Variants in ESS2 observed in about 807,000 individuals in gnomAD.
ESS2 encodes the protein splicing factor ESS-2 homolog.
ESS2 carries 31 observed loss-of-function variants against 52.0 expected under a neutral mutation model. The observed-to-expected ratio is 0.60, with a 90% confidence interval of 0.45 to 0.81. The LOEUF (loss-of-function observed/expected upper bound fraction) is 0.81. Among genes scored for constraint, ESS2 ranks in the 30% least tolerant of loss-of-function variants. The probability of loss-of-function intolerance (pLI) is 0.00; values close to 1 mark genes in which losing one functional copy is unlikely to be tolerated. For missense variants in ESS2, 602 were observed against 637.2 expected (o/e 0.94, Z 0.59); for synonymous variants, 285 against 259.2 (o/e 1.10, Z -0.95).
At position 19,137,689 on chromosome 22, in the gene ESS2, C is replaced by A. The variant is rs114800053; in HGVS notation, c.926-257G>T. On this transcript the variant is annotated intron_variant, in intron 7 of 9. Transcript: ENST00000252137. ...CTACAAGCCTCTGGGAGGTCTCCCC[C>A]AGCCACGCAGGAGGAGACACTCAGG... The A allele has an allele frequency of 5.9e-4, 571 of 973,782 alleles. 4 individuals carry two copies. In the African/African-American group the frequency reaches 9.4e-3, roughly 16 times the overall value. The allele number at this position is 973,782 out of a possible 1,614,324, so 60.3% of individuals were successfully genotyped here.
intron 1 of ESS2, chr22:19,144,230 A>G (rs1471978610): frequency 1.3e-5 from 16 of 1,212,228 alleles, no homozygotes; most frequent in African/African-American, 1.6e-5. Context: ...CCAGTTTGTC[A>G]AACTCCTACT....
intron 6 of ESS2, 25 bp from the exon 7 acceptor site, chr22:19,138,342 T>A: frequency 6.2e-7 from 1 of 1,608,938 alleles, no homozygotes; most frequent in Non-Finnish European, 8.5e-7. Context: ...GAGGCTGGCA[T>A]CAGGGGGACC....
At position 19,134,603 on chromosome 22, in the gene ESS2, A is replaced by T. The variant is rs1196056737; in HGVS notation, c.1152-128T>A. On this transcript the variant is annotated intron_variant, in intron 9 of 9. Coordinates refer to ENST00000252137, the MANE Select transcript of ESS2 (RefSeq NM_022719.3). ...GTCACTCTGAGCTGAGGAGGATGGTACTGCCAGCATGGCAGCAAATGCGGG... is the reference window on the plus strand; with the variant it reads ...GTCACTCTGAGCTGAGGAGGATGGTTCTGCCAGCATGGCAGCAAATGCGGG... 1.2e-5 allele frequency: 13 copies of T among 1,046,398 alleles called. No individual in the cohort carries two copies. In the Admixed American group the frequency reaches 1.4e-4, roughly 11 times the overall value. 64.8% of individuals were successfully genotyped at this position (1,046,398 alleles called of 1,614,324 possible). A position where few individuals can be genotyped will look rare whatever the true frequency, so the allele number is the denominator to read the frequency against.
Position 19,139,969 on chromosome 22 carries a change from C to T in ESS2, c.456G>A (p.Leu152=). 6.2e-7 allele frequency: 1 copy of T among 1,614,130 alleles called. No homozygotes were observed. Among genetic ancestry groups the T allele is most frequent in the Non-Finnish European group, 8.5e-7 (1 of 1,180,036 alleles). The part of the protein sequence containing the change: ...KEPLPSLDVF[L]SRYTSEDNAS... ...CATTGTCCTCACTCGTGTAGCGGCT[C>T]AGGAAGACATCTAGGCTGGGCAGCG... Residue 152 remains leucine, a synonymous_variant, in exon 4 of 10, where the codon CTG becomes CTA. Coordinates refer to ENST00000252137, the MANE Select transcript of ESS2 (RefSeq NM_022719.3).
At position 19,130,453 on chromosome 22, in the gene ESS2, GAGA is replaced by G. The variant is rs975076872; in HGVS notation, c.*3740_*3742del. On this transcript the variant is annotated 3_prime_UTR_variant, in exon 10 of 10. Coordinates refer to ENST00000252137, the MANE Select transcript of ESS2 (RefSeq NM_022719.3). ...TACTGGTAACTAATTTTGTTCCAAG[GAGA>G]AGGTCAGAGGCAAAAAAAATGCTTG... The G allele has an allele frequency of 1.8e-5, 5 of 273,656 alleles. No individual in the cohort carries two copies. The highest frequency in any genetic ancestry group is 6.8e-5 in the African/African-American group (3 of 43,900). 17.0% of individuals were successfully genotyped at this position (273,656 alleles called of 1,614,324 possible).
At position 19,139,595 on chromosome 22, in the gene ESS2, C is replaced by A. The variant is rs371527187; in HGVS notation, c.688+17G>T. On this transcript the variant is annotated intron_variant, in intron 5 of 9. Transcript: ENST00000252137. The stretch of plus-strand genomic sequence containing the variant: ...TACCCAACACCTCCCCATTTGGCTG[C>A]GAGGCCCGCCACTTACCCTCTGGAT... The A allele has an allele frequency of 1.2e-6, 2 of 1,608,526 alleles. No individual in the cohort carries two copies. Among genetic ancestry groups the A allele is most frequent in the African/African-American group, 2.7e-5 (2 of 74,924 alleles).
In ESS2 at chr22:19,136,031, T is replaced by TTAAAA. The variant is rs1555914465; in HGVS notation, c.1036-857_1036-856insTTTTA. 9.7e-5 allele frequency among the ~76,000 whole-genome samples: 9 copies of TTAAAA among 92,536 alleles called. No homozygotes were observed. The South Asian group carries it at 1.3e-3, about 14-fold the overall frequency. 60.7% of individuals were successfully genotyped at this position (92,536 alleles called of 152,430 possible). A position where few individuals can be genotyped will look rare whatever the true frequency, so the allele number is the denominator to read the frequency against. Reference sequence around the variant, plus strand: ...GGCAACAGAGTGAAACCCTATCTGTTAAAAAAAAAAAAAAAAAAAAAAAAG... The same window carrying TTAAAA: ...GGCAACAGAGTGAAACCCTATCTGTTTAAAAAAAAAAAAAAAAAAAAAAAAAAAAG... On this transcript the variant is annotated intron_variant, in intron 8 of 9. Coordinates refer to ENST00000252137, the MANE Select transcript of ESS2 (RefSeq NM_022719.3).
Position 19,134,114 on chromosome 22 carries a change from G to T in ESS2, c.*82C>A. The T allele has an allele frequency of 7.2e-7, 1 of 1,391,094 alleles. No homozygotes were observed. Among genetic ancestry groups the T allele is most frequent in the South Asian group, 1.8e-5 (1 of 55,706 alleles). 86.2% of individuals were successfully genotyped at this position (1,391,094 alleles called of 1,614,324 possible). A position where few individuals can be genotyped will look rare whatever the true frequency, so the allele number is the denominator to read the frequency against. On this transcript the variant is annotated 3_prime_UTR_variant, in exon 10 of 10. Coordinates refer to ENST00000252137, the MANE Select transcript of ESS2 (RefSeq NM_022719.3). ...AGCTTCTGGCCCAGGCCTGGGCCCC[G>T]AGAAGGCTGGAGTCCTCTGCTGGGT... is the stretch of plus-strand genomic sequence containing the variant.
At chr22:19,142,245 A>G (rs2083699709) in intron 3 of ESS2, among the ~76,000 whole-genome samples, 1 of 152,208 alleles carries the variant, frequency 6.6e-6, no homozygotes, top group African/African-American at 2.4e-5. Flanking sequence ...ATAGTAACAA[A>G]AGGGGCCTTC....
Position 19,135,125 on chromosome 22 carries a change from CT to C in ESS2, c.1085del (p.Glu362GlyfsTer17). ...RERLGLKMANEAAAKNRAKKQ... is the reference protein window; with the variant it reads ...RERLGLKMANXAAAKNRAKKQ... ...TCTTGGCCCGGTTCTTGGCAGCGGC[CT>C]CGTTGGCCATCTTCAGACCCAGCCG... is the stretch of plus-strand genomic sequence containing the variant. On this transcript the variant is annotated frameshift_variant, in exon 9 of 10. Coordinates refer to ENST00000252137, the MANE Select transcript of ESS2 (RefSeq NM_022719.3). LOFTEE classifies it high-confidence loss of function. The C allele has an allele frequency of 6.2e-7, 1 of 1,614,104 alleles. No individual in the cohort carries two copies. Among genetic ancestry groups the C allele is most frequent in the Non-Finnish European group, 8.5e-7 (1 of 1,179,962 alleles).
At position 19,137,338 on chromosome 22, in the gene ESS2, G is replaced by A. The variant is rs149983459; in HGVS notation, c.1020C>T (p.Pro340=). The A allele has an allele frequency of 5.0e-6, 8 of 1,612,850 alleles. No individual in the cohort carries two copies. The African/African-American group carries it at 6.7e-5, about 13-fold the overall frequency. The change falls in exon 8 of 10, where the codon CCC becomes CCT. Residue 340 remains proline (P), a synonymous_variant. Transcript: ENST00000252137. The stretch of plus-strand genomic sequence containing the variant: ...CACAACCCACCTTAAAAGCTGGGCC[G>A]GGTGTCCTGTCCACGTAGGGCGTTT... The part of the protein sequence containing the change: ...GSETPYVDRT[P]GPAFKILEPG...
rs2083648426 is a variant in ESS2, at chr22:19,139,659, T to C, written c.641A>G (p.Glu214Gly). ...ATTCTTGGCCTTGTACTTCCAGGTC[T>C]CCACACTGGCCTGGCTGCTCTCGAT... Reference protein sequence around the residue: ...QAIESSQASVETWKYKAKNSL... With the variant: ...QAIESSQASVGTWKYKAKNSL... The change falls in exon 5 of 10, where the codon GAG (glutamate) becomes GGG (glycine). Residue 214 changes from glutamate (E) to glycine (G), a missense_variant. Transcript: ENST00000252137. The C allele has an allele frequency of 6.2e-7, 1 of 1,614,144 alleles. No individual in the cohort carries two copies. The highest frequency in any genetic ancestry group is 8.5e-7 in the Non-Finnish European group (1 of 1,180,010).
Position 19,130,693 on chromosome 22 carries a change from C to G in ESS2, c.*3503G>C. On this transcript the variant is annotated 3_prime_UTR_variant, in exon 10 of 10. Coordinates refer to ENST00000252137, the MANE Select transcript of ESS2 (RefSeq NM_022719.3). ...CTGGCACTAGGAATGTAAAACCGTTCCTATTATTTTGGCTTGCTCCAGCAA... is the reference window on the plus strand; with the variant it reads ...CTGGCACTAGGAATGTAAAACCGTTGCTATTATTTTGGCTTGCTCCAGCAA... 1 of 209,204 alleles carries G rather than the reference C, an allele frequency of 4.8e-6. No homozygotes were observed. The highest frequency in any genetic ancestry group is 9.7e-6 in the Non-Finnish European group (1 of 102,934). The allele number at this position is 209,204 out of a possible 1,614,324, so 13.0% of individuals were successfully genotyped here. A position where few individuals can be genotyped will look rare whatever the true frequency, so the allele number is the denominator to read the frequency against.
Position 19,132,601 on chromosome 22 carries a change from A to T in ESS2, c.*1595T>A. On this transcript the variant is annotated 3_prime_UTR_variant, in exon 10 of 10. Coordinates refer to ENST00000252137, the MANE Select transcript of ESS2 (RefSeq NM_022719.3). The surrounding 1 kb of genome is among the most constrained non-coding windows in gnomAD (Gnocchi z 4.2). ...GGCACAGGTGCAAGTAAAATTCGTC[A>T]ATTAAACCACTATTTTGATTACGTT... 1 of 938,526 alleles carries T rather than the reference A, an allele frequency of 1.1e-6. No homozygotes were observed. Among genetic ancestry groups the T allele is most frequent in the Non-Finnish European group, 1.6e-6 (1 of 610,058 alleles). The allele number at this position is 938,526 out of a possible 1,614,324, so 58.1% of individuals were successfully genotyped here.
chr22:19,133,543 G>A lies in ESS2; in HGVS notation c.*653C>T, dbSNP rs2083530361. On this transcript the variant is annotated 3_prime_UTR_variant, in exon 10 of 10. Transcript: ENST00000252137. ...CCATGAGCTGGAAGCCAGGTGCTGG[G>A]AGAAGGTGATAGCTGAGATCACCTG... 6.6e-6 allele frequency: 1 copy of A among 152,396 alleles called. No homozygotes were observed. The highest frequency in any genetic ancestry group is 1.5e-5 in the Non-Finnish European group (1 of 68,204). 9.4% of individuals were successfully genotyped at this position (152,396 alleles called of 1,614,324 possible). A position where few individuals can be genotyped will look rare whatever the true frequency, so the allele number is the denominator to read the frequency against.
At position 19,132,344 on chromosome 22, in the gene ESS2, T is replaced by G; in HGVS notation, c.*1852A>C. ...CCGACCACCGGCCCGACCACAAGCT[T>G]GGAGCCAAAACCCAGCACCGGCTGC... On this transcript the variant is annotated 3_prime_UTR_variant, in exon 10 of 10. Coordinates refer to ENST00000252137, the MANE Select transcript of ESS2 (RefSeq NM_022719.3). The surrounding 1 kb of genome is among the most constrained non-coding windows in gnomAD (Gnocchi z 4.2). 1 of 1,612,702 alleles carries G rather than the reference T, an allele frequency of 6.2e-7. No individual in the cohort carries two copies.
rs753377366 is a variant in ESS2 at position 19,138,220 on chromosome 22, G to A, written c.920C>T (p.Ala307Val). ...GFGFVATPSP[A>V]PGVNESPMMT... ...CCAGTGGGCACTTTTCTCACCAGGG[G>A]CAGGGGAAGGAGTGGCAACAAATCC... is the stretch of plus-strand genomic sequence containing the variant. The change falls in exon 7 of 10, where the codon GCC (alanine) becomes GTC (valine). Residue 307 changes from alanine (A) to valine (V), a missense_variant. By Grantham distance (64) the Ala-to-Val change is moderately conservative. Transcript: ENST00000252137. 1 of 1,614,016 alleles carries A rather than the reference G, an allele frequency of 6.2e-7. No individual in the cohort carries two copies. The highest frequency in any genetic ancestry group is 8.5e-7 in the Non-Finnish European group (1 of 1,179,966).
In ESS2 at chr22:19,138,686, G is replaced by T. The variant is rs1601354461; in HGVS notation, c.823-369C>A. Among the ~76,000 whole-genome samples the T allele has an allele frequency of 4.6e-5, 7 of 152,196 alleles. No individual in the cohort carries two copies. In the South Asian group the frequency reaches 1.4e-3, roughly 32 times the overall value. On this transcript the variant is annotated intron_variant, in intron 6 of 9. Coordinates refer to ENST00000252137, the MANE Select transcript of ESS2 (RefSeq NM_022719.3). ...GATGACAGGCAATGCTTATGCTCTAGTCTCTTCCTGCCTTCCCCACTTCAA... is the reference window on the plus strand; with the variant it reads ...GATGACAGGCAATGCTTATGCTCTATTCTCTTCCTGCCTTCCCCACTTCAA...
rs747998154 is a variant in ESS2 at position 19,142,645 on chromosome 22, G to C, written c.305-12C>G. The C allele has an allele frequency of 6.2e-7, 1 of 1,611,770 alleles. No individual in the cohort carries two copies. The highest frequency in any genetic ancestry group is 8.5e-7 in the Non-Finnish European group (1 of 1,178,960). ...GGCTGGAGTCACATCTAGGGGAAGA[G>C]AGGGGGATAAGAATTAGAGTGAGCC... On this transcript the variant is annotated splice_polypyrimidine_tract_variant and intron_variant, in intron 2 of 9. Transcript: ENST00000252137.
Sources: allele counts gnomAD v4.1 joint callset (sites outside exome capture counted in the v4.1 genomes callset), GRCh38; gene constraint gnomAD v4.1.1; non-coding constraint Gnocchi (gnomAD v3.1); transcripts MANE v1.5; gene names NCBI Gene and HGNC (gene_info 2026-07-23, HGNC 2026-07-21).